Variants in WDPCP observed in about 807,000 individuals in gnomAD.
WDPCP encodes the protein WD repeat-containing and planar cell polarity effector protein fritz homolog.
Under a neutral mutation model 93.1 loss-of-function variants are expected in WDPCP, and 71 were observed. The ratio of observed to expected loss-of-function variants is 0.76; its 90% CI spans 0.63 to 0.93. WDPCP has a LOEUF of 0.93. Ranked by LOEUF, WDPCP falls within the 40% of genes least tolerant of loss-of-function variation. The pLI is 0.00. For synonymous variants in WDPCP, 315 were observed against 315.0 expected (o/e 1.00, Z 0.00); for missense variants, 844 against 887.4 (o/e 0.95, Z 0.62).
intron 3 of WDPCP, among the ~76,000 whole-genome samples, chr2:63,596,220 G>A (rs1575721789): frequency 6.6e-6 from 1 of 152,038 alleles, no homozygotes; most frequent in African/African-American, 2.4e-5. Flanking sequence ...TTTTGGTAAG[G>A]ATTAATTAAT....
intron 14 of WDPCP, among the ~76,000 whole-genome samples, chr2:63,227,494 AT>A (rs1678385349): frequency 6.6e-6 from 1 of 152,046 alleles, no homozygotes; most frequent in South Asian, 2.1e-4. Context: ...TATCTTTTCT[AT>A]GCCAAAATTA....
chr2:63,254,200 G>A (rs1169596777), intron 14 of WDPCP, among the ~76,000 whole-genome samples: 3 of 152,124 alleles, frequency 2.0e-5, no homozygotes, highest in Non-Finnish European at 4.4e-5. Context: ...TGGACATAAA[G>A]ATGGGAATAA....
intron 3 of WDPCP, among the ~76,000 whole-genome samples, chr2:63,618,674 G>C (rs961180737): frequency 6.6e-6 from 1 of 151,304 alleles, no homozygotes; most frequent in African/African-American, 2.4e-5. Flanking sequence ...TAGAAGGATA[G>C]AAGTGGGATA....
intron 14 of WDPCP, among the ~76,000 whole-genome samples, chr2:63,220,437 T>C (rs1395453142): frequency 6.6e-6 from 1 of 152,198 alleles, no homozygotes; most frequent in Non-Finnish European, 1.5e-5. Flanking sequence ...TTAGCTAAAA[T>C]TGATAGTATG....
intron 10 of WDPCP, 89 bp from the exon 11 acceptor site, chr2:63,382,183 A>G: frequency 7.5e-7 from 1 of 1,338,898 alleles, no homozygotes; most frequent in Non-Finnish European, 1.0e-6. Context: ...AAAAAAACCT[A>G]TATTGCTTGC....
chr2:63,146,850 C>A (rs561143720), intron 17 of WDPCP, among the ~76,000 whole-genome samples: 2 of 152,236 alleles, frequency 1.3e-5, no homozygotes, highest in East Asian at 3.9e-4. Flanking sequence ...TAAGTGATAA[C>A]GCAATTATTG....
chr2:63,766,819 G>A (rs189744914), intron 2 of WDPCP, among the ~76,000 whole-genome samples: 205 of 152,074 alleles, frequency 1.3e-3, no homozygotes, highest in South Asian at 2.3e-3. Flanking sequence ...ATAAAATTAT[G>A]CACCATCACC....
intron 1 of WDPCP, among the ~76,000 whole-genome samples, chr2:63,516,707 C>A (rs1224794339): frequency 6.6e-6 from 1 of 152,180 alleles, no homozygotes; most frequent in Admixed American, 6.5e-5. Context: ...AAATCTTGAG[C>A]CACAATGGCC....
rs765416788 is a variant in WDPCP, at chr2:63,493,034, G to C, written c.76-94C>G. On this transcript the variant is annotated intron_variant, in intron 1 of 17. Transcript: ENST00000272321. Reference sequence around the variant, plus strand: ...TTAGAAATAGTAAAAAGAATCATTCGCCACAACTGTTATTTGAAATATGGC... The same window carrying C: ...TTAGAAATAGTAAAAAGAATCATTCCCCACAACTGTTATTTGAAATATGGC... 8.6e-6 allele frequency: 9 copies of C among 1,043,238 alleles called. No individual in the cohort carries two copies. The African/African-American group carries it at 1.3e-4, about 15-fold the overall frequency. The allele number at this position is 1,043,238 out of a possible 1,614,324, so 64.6% of individuals were successfully genotyped here.
intron 15 of WDPCP, 81 bp downstream of exon 15, chr2:63,174,589 C>A: frequency 6.4e-7 from 1 of 1,572,414 alleles, no homozygotes; most frequent in Non-Finnish European, 8.7e-7. Context: ...TTGAAATATT[C>A]TTGCTTTGCT....
chr2:63,838,284 C>T, the WDPCP span, among the ~76,000 whole-genome samples: 1 of 152,146 alleles, frequency 6.6e-6, no homozygotes, highest in South Asian at 2.1e-4. Flanking sequence ...GGTTTCCTTG[C>T]TGTTGATAGA....
At chr2:63,639,430 G>T (rs776161085) in intron 3 of WDPCP, among the ~76,000 whole-genome samples, 9 of 152,144 alleles carry the variant, frequency 5.9e-5, no homozygotes, top group Non-Finnish European at 1.3e-4. Flanking sequence ...ACAGGTGTGC[G>T]CAACCTAACC....
chr2:63,325,894 C>T (rs1286710802), intron 12 of WDPCP, among the ~76,000 whole-genome samples: 1 of 152,132 alleles, frequency 6.6e-6, no homozygotes, highest in African/African-American at 2.4e-5. Context: ...AGAGAGAGAG[C>T]ACGGATAGCT....
At chr2:63,394,355 G>T (rs534918110) in intron 10 of WDPCP, among the ~76,000 whole-genome samples, 10 of 144,760 alleles carry the variant, frequency 6.9e-5, no homozygotes, top group Admixed American at 2.2e-4. Flanking sequence ...ATACCAGTCA[G>T]AATGGCTATT....
chr2:63,741,627 G>A (rs1322650984), intron 2 of WDPCP, among the ~76,000 whole-genome samples: 4 of 151,578 alleles, frequency 2.6e-5, no homozygotes, highest in Admixed American at 6.6e-5. Context: ...ACAATGTAAC[G>A]TCATTCCTCA....
At chr2:63,685,403 T>C (rs2103648188) in intron 2 of WDPCP, among the ~76,000 whole-genome samples, 1 of 152,268 alleles carries the variant, frequency 6.6e-6, no homozygotes, top group Non-Finnish European at 1.5e-5. Context: ...GATTGAACCA[T>C]GAAGAAATCC....
chr2:63,733,739 A>AT (rs534538010), intron 2 of WDPCP, among the ~76,000 whole-genome samples: 51 of 152,082 alleles, frequency 3.4e-4, no homozygotes, highest in Non-Finnish European at 6.0e-4. Flanking sequence ...TTCAATTTGT[A>AT]TTTTTTTTAA....
chr2:63,838,051 C>T, the WDPCP span, among the ~76,000 whole-genome samples: 3 of 151,906 alleles, frequency 2.0e-5, no homozygotes, highest in East Asian at 5.8e-4. Flanking sequence ...GCCGAGATCG[C>T]ACCACTGCAC....
chr2:63,535,382 A>G (rs1202698834), intron 1 of WDPCP, among the ~76,000 whole-genome samples: 1 of 152,232 alleles, frequency 6.6e-6, no homozygotes, highest in Admixed American at 6.5e-5. Flanking sequence ...TATGGAACCA[A>G]AAAAGACCCG....
Sources: allele counts gnomAD v4.1 joint callset (sites outside exome capture counted in the v4.1 genomes callset), GRCh38; gene constraint gnomAD v4.1.1; transcripts MANE v1.5; gene names NCBI Gene and HGNC (gene_info 2026-07-23, HGNC 2026-07-21).